KIAA1328: variants seen among roughly 807,000 people sequenced by gnomAD.
KIAA1328 encodes KIAA1328, also known as protein hinderin.
In KIAA1328, 52 loss-of-function variants were observed where a neutral mutation model predicts 68.1. The observed-to-expected ratio is 0.76, with a 90% CI of 0.61 to 0.96. KIAA1328 has a LOEUF of 0.96. KIAA1328 is among the 40% of genes least tolerant of loss of function. The probability of loss-of-function intolerance (pLI) is 0.00; values close to 1 mark genes in which losing one functional copy is unlikely to be tolerated. For missense variants in KIAA1328, 641 were observed against 677.6 expected, an observed-to-expected ratio of 0.95 and a Z score of 0.60; for synonymous variants, 232 against 239.4, an observed-to-expected ratio of 0.97 and a Z score of 0.28.
At chr18:36,922,060 CTTTT>C (rs879414277) in intron 5 of KIAA1328, among the ~76,000 whole-genome samples, 2 of 145,894 alleles carry the variant, frequency 1.4e-5, no homozygotes, top group African/African-American at 5.0e-5. Context: ...CCAGAGAATA[CTTTT>C]TTTTTTTTTA....
intron 6 of KIAA1328, among the ~76,000 whole-genome samples, chr18:36,994,795 C>A (rs1282106428): frequency 2.0e-5 from 3 of 152,116 alleles, no homozygotes; most frequent in Non-Finnish European, 2.9e-5. Flanking sequence ...GACTTCTAAT[C>A]ATCTCACCTC....
At chr18:36,894,312 A>G (rs2151011606) in intron 5 of KIAA1328, among the ~76,000 whole-genome samples, 1 of 152,330 alleles carries the variant, frequency 6.6e-6, no homozygotes, top group East Asian at 1.9e-4. Context: ...AAGTTACCAG[A>G]AAATCCAGAT....
chr18:36,958,976 A>T (rs2051540216), intron 5 of KIAA1328, among the ~76,000 whole-genome samples: 1 of 152,044 alleles, frequency 6.6e-6, no homozygotes, highest in Non-Finnish European at 1.5e-5. Context: ...TAGATCAATG[A>T]TGCATTTTCA....
chr18:36,873,111 C>T (rs186426435), intron 4 of KIAA1328, among the ~76,000 whole-genome samples: 1 of 152,212 alleles, frequency 6.6e-6, no homozygotes, highest in South Asian at 2.1e-4. Context: ...GCATGTTTTT[C>T]GCTATGGGCA....
chr18:37,200,472 A>C (rs1385078327), intron 9 of KIAA1328, among the ~76,000 whole-genome samples: 1 of 152,222 alleles, frequency 6.6e-6, no homozygotes, highest in Non-Finnish European at 1.5e-5. Flanking sequence ...CCCAAGGGTC[A>C]CATGACTTCT....
At chr18:36,969,431 C>T (rs1013954396) in intron 6 of KIAA1328, among the ~76,000 whole-genome samples, 1 of 151,988 alleles carries the variant, frequency 6.6e-6, no homozygotes, top group African/African-American at 2.4e-5. Context: ...TCCAAGTAAA[C>T]ACAATCAGTA....
At position 37,113,258 on chromosome 18, in the gene KIAA1328, G is replaced by C. The variant is rs187519509; in HGVS notation, c.1232+45713G>C. 1.5e-3 allele frequency among the ~76,000 whole-genome samples: 231 copies of C among 152,282 alleles called. 1 individual carries two copies. Among genetic ancestry groups the C allele is most frequent in the Non-Finnish European group, 2.8e-3 (190 of 68,026 alleles). The stretch of plus-strand genomic sequence containing the variant: ...AAAAAGTGTTAAGGGCAGCCACAGA[G>C]AAAGGTCAGGTTAATCATAAAGGGA... On this transcript the variant is annotated intron_variant, in intron 7 of 9. Coordinates refer to ENST00000280020, the MANE Select transcript of KIAA1328 (RefSeq NM_020776.3).
At chr18:36,908,692 G>A (rs1006168291) in intron 5 of KIAA1328, among the ~76,000 whole-genome samples, 1 of 152,104 alleles carries the variant, frequency 6.6e-6, no homozygotes, top group Non-Finnish European at 1.5e-5. Flanking sequence ...ACTAACTTGG[G>A]AGACTGTGTG....
intron 4 of KIAA1328, among the ~76,000 whole-genome samples, chr18:36,884,884 T>A (rs1417563793): frequency 1.3e-5 from 2 of 152,210 alleles, no homozygotes; most frequent in Non-Finnish European, 2.9e-5. Flanking sequence ...TCTGTGCTCT[T>A]GTCAGAAGTC....
intron 7 of KIAA1328, among the ~76,000 whole-genome samples, chr18:37,092,998 C>T (rs186269271): frequency 3.2e-4 from 48 of 152,300 alleles, no homozygotes; most frequent in Admixed American, 2.0e-3. Flanking sequence ...ACAGCTTACA[C>T]AGACAACCAC....
chr18:37,085,967 G>A (rs1169390625), intron 7 of KIAA1328, among the ~76,000 whole-genome samples: 1 of 151,928 alleles, frequency 6.6e-6, no homozygotes, highest in African/African-American at 2.4e-5. Flanking sequence ...ATTTAATTTT[G>A]TATAATTATT....
At chr18:36,893,457 G>GTTTT (rs1437312678) in intron 5 of KIAA1328, among the ~76,000 whole-genome samples, 20 of 130,644 alleles carry the variant, frequency 1.5e-4, no homozygotes, top group African/African-American at 4.2e-4. Context: ...GTGTGTGTGT[G>GTTTT]TGTGTTTTTG....
At chr18:37,026,459 A>C (rs1479983923) in intron 6 of KIAA1328, among the ~76,000 whole-genome samples, 1 of 152,192 alleles carries the variant, frequency 6.6e-6, no homozygotes, top group African/African-American at 2.4e-5. Context: ...ATGAACATCG[A>C]TGCAAAAATC....
At chr18:37,047,121 G>C (rs2055504314) in intron 6 of KIAA1328, among the ~76,000 whole-genome samples, 1 of 152,132 alleles carries the variant, frequency 6.6e-6, no homozygotes, top group South Asian at 2.1e-4. Flanking sequence ...GCCTTGGCTA[G>C]GTATCTACCA....
At chr18:37,176,999 A>C (rs574930804) in intron 9 of KIAA1328, among the ~76,000 whole-genome samples, 39 of 152,370 alleles carry the variant, frequency 2.6e-4, no homozygotes, top group Non-Finnish European at 4.4e-4. Flanking sequence ...ATCTACATTA[A>C]GATGCAGAAT....
intron 5 of KIAA1328, among the ~76,000 whole-genome samples, chr18:36,952,218 C>A (rs1166043544): frequency 2.0e-5 from 3 of 152,162 alleles, no homozygotes; most frequent in Admixed American, 2.0e-4. Context: ...CTATATACTT[C>A]TTTTCCAAAA....
chr18:37,132,722 A>G (rs1489530779), intron 7 of KIAA1328, among the ~76,000 whole-genome samples: 1 of 152,206 alleles, frequency 6.6e-6, no homozygotes, highest in African/African-American at 2.4e-5. Flanking sequence ...TGCTATTATC[A>G]GTGGTAAGGG....
Position 37,222,165 on chromosome 18 carries a change from A to G in KIAA1328, c.1672A>G (p.Met558Val). The stretch of plus-strand genomic sequence containing the variant: ...AAAATCAACCCGGAAGAAGATGGGG[A>G]TGCACAGAACCCCTGAAGAGTTGGA... ...PLKSTRKKMG[M>V]HRTPEELEEN... Residue 558 changes from methionine (M) to valine (V), a missense_variant, in exon 10 of 10, where the codon ATG becomes GTG. Physicochemically the swap from Met to Val is conservative, Grantham distance 21. Transcript: ENST00000280020. 1 of 1,605,654 alleles carries G rather than the reference A, an allele frequency of 6.2e-7. No homozygotes were observed. The highest frequency in any genetic ancestry group is 8.5e-7 in the Non-Finnish European group (1 of 1,175,630).
chr18:36,967,753 A>G (rs189625190), intron 6 of KIAA1328, among the ~76,000 whole-genome samples: 10 of 152,272 alleles, frequency 6.6e-5, no homozygotes, highest in South Asian at 2.1e-4. Context: ...GCACAGGGCT[A>G]CTGCACACTG....
Sources: gnomAD v4.1 joint callset for allele counts (sites outside exome capture counted in the v4.1 genomes callset) on GRCh38, gnomAD v4.1.1 for gene constraint, MANE v1.5 for transcripts, NCBI Gene and HGNC (gene_info 2026-07-23, HGNC 2026-07-21) for gene names.